Variants in MAGI3 observed in about 807,000 individuals in gnomAD.
The protein encoded by MAGI3 is membrane-associated guanylate kinase, WW and PDZ domain-containing protein 3.
A neutral mutation model predicts 121.8 loss-of-function variants in MAGI3; 43 were observed. The observed-to-expected ratio is 0.35, with a 90% CI of 0.28 to 0.46. The LOEUF is 0.46. MAGI3 is among the 20% of genes least tolerant of loss of function. The pLI is 1.00. For synonymous variants in MAGI3, 553 were observed against 639.3 expected (o/e 0.86, Z 2.04); for missense variants, 1,547 against 1,797.3 (o/e 0.86, Z 2.52).
At chr1:113,447,968 A>G (rs1478738130) in intron 1 of MAGI3, among the ~76,000 whole-genome samples, 1 of 152,238 alleles carries the variant, frequency 6.6e-6, no homozygotes, top group Non-Finnish European at 1.5e-5. Context: ...CCTGGCAACC[A>G]CTAAATGACT....
intron 1 of MAGI3, among the ~76,000 whole-genome samples, chr1:113,437,806 T>TTTC (rs759591213): frequency 0.012 from 1,396 of 119,576 alleles, 33 homozygotes; most frequent in Middle Eastern, 0.032. Flanking sequence ...TCTTTCTTCT[T>TTTC]TTCTTCTTCT....
chr1:113,558,170 C>T (rs757686740), intron 2 of MAGI3, among the ~76,000 whole-genome samples: 15 of 152,172 alleles, frequency 9.9e-5, no homozygotes, highest in Non-Finnish European at 2.1e-4. Context: ...CAAATGACCA[C>T]AACACTTCTC....
chr1:113,494,135 A>G (rs774289377), intron 1 of MAGI3, among the ~76,000 whole-genome samples: 1 of 152,220 alleles, frequency 6.6e-6, no homozygotes, highest in Non-Finnish European at 1.5e-5. Context: ...CAGATTCCCA[A>G]TGATAGAATG....
intron 1 of MAGI3, among the ~76,000 whole-genome samples, chr1:113,423,112 ATG>A (rs1458689000): frequency 6.6e-6 from 1 of 152,162 alleles, no homozygotes; most frequent in African/African-American, 2.4e-5. Flanking sequence ...TCCAGGAAGA[ATG>A]AGATTATGTG....
At chr1:113,511,271 C>T (rs1657601680) in intron 1 of MAGI3, among the ~76,000 whole-genome samples, 1 of 152,052 alleles carries the variant, frequency 6.6e-6, no homozygotes, top group Non-Finnish European at 1.5e-5. Flanking sequence ...GGGGAGGTAA[C>T]CTTAAAGTAT....
chr1:113,539,258 TG>T (rs1181031253), intron 1 of MAGI3, among the ~76,000 whole-genome samples: 5 of 151,876 alleles, frequency 3.3e-5, no homozygotes, highest in Admixed American at 6.6e-5. Flanking sequence ...CTGGGCGTGG[TG>T]GTGTGCGTCT....
intron 11 of MAGI3, 74 bp downstream of exon 11, chr1:113,643,848 A>G: frequency 1.4e-6 from 2 of 1,401,114 alleles, no homozygotes; most frequent in Non-Finnish European, 2.0e-6. Context: ...CTGTAAGAGG[A>G]GCTCACTGTG....
Position 113,391,419 on chromosome 1 carries a change from G to A in MAGI3, c.316+70G>A. The A allele has an allele frequency of 6.7e-7, 1 of 1,495,444 alleles. No homozygotes were observed. Among genetic ancestry groups the A allele is most frequent in the Non-Finnish European group, 9.1e-7 (1 of 1,100,762 alleles). 92.6% of individuals were successfully genotyped at this position (1,495,444 alleles called of 1,614,324 possible). ...GCTTCAGGGTGGGCGTCCTGGGAGC[G>A]GCGGCACCTCCCCACCGCGTATTGT... On this transcript the variant is annotated intron_variant, in intron 1 of 20. Transcript: ENST00000307546. The surrounding 1 kb of genome is among the most constrained non-coding windows in gnomAD (Gnocchi z 4.4).
chr1:113,480,813 T>G (rs1482321198), intron 1 of MAGI3, among the ~76,000 whole-genome samples: 1 of 152,190 alleles, frequency 6.6e-6, no homozygotes. Flanking sequence ...GGACAAGGGC[T>G]GGAAACTCCT....
intron 1 of MAGI3, among the ~76,000 whole-genome samples, chr1:113,430,268 A>G (rs931914168): frequency 4.6e-5 from 7 of 152,188 alleles, no homozygotes. Flanking sequence ...TATCATTTCT[A>G]GTACTTAGCA....
At chr1:113,450,173 A>T in intron 1 of MAGI3, 1 of 1,520,136 alleles carries the variant, frequency 6.6e-7, no homozygotes, top group Non-Finnish European at 9.0e-7. Context: ...GATACAGTTG[A>T]TAAAATTGTT....
intron 1 of MAGI3, among the ~76,000 whole-genome samples, chr1:113,424,827 A>C (rs1652914114): frequency 1.3e-5 from 2 of 152,158 alleles, no homozygotes; most frequent in Non-Finnish European, 2.9e-5. Context: ...TTTCTAGAAG[A>C]GATTAGCACG....
intron 1 of MAGI3, among the ~76,000 whole-genome samples, chr1:113,512,718 G>A (rs1255171671): frequency 6.6e-6 from 1 of 152,148 alleles, no homozygotes; most frequent in Non-Finnish European, 1.5e-5. Flanking sequence ...ACTGGCACAA[G>A]ACAGGGGTGC....
At chr1:113,557,446 G>A (rs1306894201) in intron 2 of MAGI3, among the ~76,000 whole-genome samples, 1 of 152,210 alleles carries the variant, frequency 6.6e-6, no homozygotes, top group African/African-American at 2.4e-5. Context: ...TTGAGGTGTG[G>A]CCAGACTGTT....
intron 1 of MAGI3, among the ~76,000 whole-genome samples, chr1:113,465,026 G>C (rs182746697): frequency 6.2e-4 from 95 of 152,192 alleles, no homozygotes; most frequent in Admixed American, 1.2e-3. Flanking sequence ...TATTTTTGCT[G>C]TGTGGCCTTG....
At chr1:113,666,607 C>T (rs1654054912) in intron 16 of MAGI3, among the ~76,000 whole-genome samples, 1 of 152,228 alleles carries the variant, frequency 6.6e-6, no homozygotes. Flanking sequence ...CTCTCAAAGT[C>T]ATCCATGGGA....
intron 1 of MAGI3, among the ~76,000 whole-genome samples, chr1:113,528,834 G>T (rs1570805112): frequency 6.6e-6 from 1 of 152,094 alleles, no homozygotes; most frequent in Non-Finnish European, 1.5e-5. Context: ...ATAATGTGAG[G>T]TTCAATATTT....
chr1:113,603,712 C>A (rs1217215), intron 6 of MAGI3, among the ~76,000 whole-genome samples: 115,517 of 152,082 alleles, frequency 0.76, 44,628 homozygotes, highest in African/African-American at 0.86. Flanking sequence ...AATGGGAGAA[C>A]ATATTTGCAA....
rs184014201 is a variant in MAGI3, at chr1:113,408,941, A to G, written c.316+17592A>G. 2.6e-5 allele frequency among the ~76,000 whole-genome samples: 4 copies of G among 152,168 alleles called. No homozygotes were observed. In the East Asian group the frequency reaches 5.8e-4, roughly 22 times the overall value. ...ATAGTTCTGTACTTTGCCATATATT[A>G]TTATTAATTTTATAGCTATTTAGTG... On this transcript the variant is annotated intron_variant, in intron 1 of 20. Transcript: ENST00000307546.
Sources: gnomAD v4.1 joint callset for allele counts (sites outside exome capture counted in the v4.1 genomes callset) on GRCh38, gnomAD v4.1.1 for gene constraint, Gnocchi (gnomAD v3.1) non-coding constraint, MANE v1.5 for transcripts, NCBI Gene and HGNC (gene_info 2026-07-23, HGNC 2026-07-21) for gene names.